RTN3: variants seen among roughly 807,000 people sequenced by gnomAD.
RTN3 encodes reticulon 3, also known as reticulon-3.
In RTN3, 49 loss-of-function variants were observed where a neutral mutation model predicts 77.8. The observed-to-expected ratio is 0.63, with a 90% confidence interval of 0.50 to 0.80. The LOEUF (loss-of-function observed/expected upper bound fraction) is 0.80, where lower values mean the gene tolerates loss of function less well. RTN3 is among the 30% of genes least tolerant of loss of function. The pLI is 0.00. For missense variants in RTN3, 1,236 were observed against 1,211.9 expected (o/e 1.02, Z -0.29); for synonymous variants, 464 against 446.9 (o/e 1.04, Z -0.48).
Position 63,709,584 on chromosome 11 carries a change from T to TTA in RTN3, c.199+4677_199+4678insTA, listed in dbSNP as rs755872621. Among the ~76,000 whole-genome samples the TTA allele has an allele frequency of 4.7e-5, 7 of 148,782 alleles. No homozygotes were observed. In the South Asian group the frequency reaches 1.5e-3, roughly 32 times the overall value. On this transcript the variant is annotated intron_variant, in intron 2 of 8. Transcript: ENST00000377819. ...AAATTTGCCAGTTACAGCCTTTTTT[T>TTA]AAAAAAAAAAAAAGAAAAACATTTT...
At chr11:63,688,717 G>T (rs532122181) in intron 1 of RTN3, among the ~76,000 whole-genome samples, 15 of 152,170 alleles carry the variant, frequency 9.9e-5, no homozygotes, top group African/African-American at 3.1e-4. Context: ...TTAAAGATGG[G>T]CTGAAAATAA....
intron 3 of RTN3, among the ~76,000 whole-genome samples, chr11:63,740,883 A>G (rs975256721): frequency 1.8e-4 from 27 of 152,186 alleles, no homozygotes; most frequent in African/African-American, 5.6e-4. Context: ...TATCTAATCA[A>G]TAGTATTCTG....
intron 3 of RTN3, among the ~76,000 whole-genome samples, chr11:63,726,658 C>T (rs1435939732): frequency 6.6e-6 from 1 of 152,098 alleles, no homozygotes; most frequent in Non-Finnish European, 1.5e-5. Flanking sequence ...ATCAGGAGTT[C>T]AAGACCAGCC....
chr11:63,751,262 T>C (rs1365770790), intron 4 of RTN3, among the ~76,000 whole-genome samples: 1 of 152,196 alleles, frequency 6.6e-6, no homozygotes, highest in East Asian at 1.9e-4. Context: ...ATCCCCCACA[T>C]AGGTAAGACT....
chr11:63,698,132 C>CTT (rs34408885), intron 1 of RTN3, among the ~76,000 whole-genome samples: 3 of 145,452 alleles, frequency 2.1e-5, no homozygotes, highest in Non-Finnish European at 3.0e-5. Context: ...TTTTCATAGT[C>CTT]TTTTTTTTTT....
chr11:63,750,954 G>A (rs1345088179), intron 4 of RTN3, among the ~76,000 whole-genome samples: 6 of 151,222 alleles, frequency 4.0e-5, no homozygotes, highest in Admixed American at 1.3e-4. Context: ...GGATGGTCTC[G>A]AACTCCTGAC....
At chr11:63,729,453 T>G (rs2012526663) in intron 3 of RTN3, among the ~76,000 whole-genome samples, 1 of 128,864 alleles carries the variant, frequency 7.8e-6, no homozygotes. Flanking sequence ...TTTTTTTTTT[T>G]TTTTTTGTTT....
chr11:63,717,889 C>T (rs1225485905), intron 2 of RTN3, among the ~76,000 whole-genome samples: 1 of 151,762 alleles, frequency 6.6e-6, no homozygotes, highest in African/African-American at 2.4e-5. Context: ...ATGGTGCCTG[C>T]CTGTAATCCC....
chr11:63,736,930 A>G (rs986952328), intron 3 of RTN3, among the ~76,000 whole-genome samples: 1 of 151,602 alleles, frequency 6.6e-6, no homozygotes. Context: ...TATACAAGGC[A>G]TGTACAACAA....
intron 4 of RTN3, 119 bp downstream of exon 4, chr11:63,750,317 T>C (rs2014033423): frequency 2.4e-6 from 2 of 822,764 alleles, no homozygotes; most frequent in Non-Finnish European, 1.9e-6. Context: ...ATGCAGCTGA[T>C]TGGTGGCATG....
chr11:63,723,657 CTT>C (rs1004399792), intron 3 of RTN3, among the ~76,000 whole-genome samples: 1 of 152,028 alleles, frequency 6.6e-6, no homozygotes, highest in African/African-American at 2.4e-5. Flanking sequence ...AAACTCCTGG[CTT>C]CAAGTGATCC....
intron 2 of RTN3, among the ~76,000 whole-genome samples, chr11:63,715,795 T>C (rs185692736): frequency 6.0e-4 from 91 of 152,342 alleles, no homozygotes; most frequent in African/African-American, 1.8e-3. Flanking sequence ...GTTCACTGAA[T>C]GTTTTGTGGT....
At chr11:63,684,009 T>G (rs1314348417) in intron 1 of RTN3, among the ~76,000 whole-genome samples, 4 of 141,574 alleles carry the variant, frequency 2.8e-5, no homozygotes, top group Admixed American at 7.3e-5. Flanking sequence ...TGGAGTGCAG[T>G]GGAGCCATCT....
intron 3 of RTN3, among the ~76,000 whole-genome samples, chr11:63,745,296 G>A (rs2013729097): frequency 6.6e-6 from 1 of 152,180 alleles, no homozygotes; most frequent in Admixed American, 6.5e-5. Context: ...GGAAACAAAT[G>A]GTTTTGCTGT....
chr11:63,720,251 A>C lies in RTN3; in HGVS notation c.1749A>C (p.Ser583=). The C allele has an allele frequency of 2.5e-6, 4 of 1,614,064 alleles. No homozygotes were observed. The highest frequency in any genetic ancestry group is 1.7e-6 in the Non-Finnish European group (2 of 1,179,994). ...GTCCAGCTAGTGAGGCAGCATGTTC[A>C]AAAGTACCCGATACGAATGTCTCCT... The part of the protein sequence containing the change: ...GRSPASEAAC[S]KVPDTNVSLE... The change falls in exon 3 of 9, where the codon TCA becomes TCC. Residue 583 remains serine (S), a synonymous_variant. Coordinates refer to ENST00000377819, the MANE Select transcript of RTN3 (RefSeq NM_001265589.2).
intron 1 of RTN3, among the ~76,000 whole-genome samples, chr11:63,693,382 G>A (rs1051038171): frequency 6.6e-6 from 1 of 151,998 alleles, no homozygotes; most frequent in Non-Finnish European, 1.5e-5. Flanking sequence ...ACTTGGGAAG[G>A]CTGAGGCAGG....
Position 63,720,286 on chromosome 11 carries a change from TGA to T in RTN3, c.1786_1787del (p.Ser596Ter). 6.2e-7 allele frequency: 1 copy of T among 1,613,306 alleles called. No homozygotes were observed. Among genetic ancestry groups the T allele is most frequent in the Non-Finnish European group, 8.5e-7 (1 of 1,179,614 alleles). On this transcript the variant is annotated frameshift_variant, in exon 3 of 9. Coordinates refer to ENST00000377819, the MANE Select transcript of RTN3 (RefSeq NM_001265589.2). LOFTEE classifies it high-confidence loss of function. ...GATACGAATGTCTCCTTAGAAGATG[TGA>T]GTGAAGTTGCTCCTGAAAAGCCTAT...
chr11:63,711,494 A>G (rs1473316023), intron 2 of RTN3, among the ~76,000 whole-genome samples: 2 of 151,640 alleles, frequency 1.3e-5, no homozygotes, highest in Non-Finnish European at 2.9e-5. Flanking sequence ...GGCTCAAGCA[A>G]TCCTCCCACC....
intron 2 of RTN3, among the ~76,000 whole-genome samples, chr11:63,716,127 G>T (rs1425398395): frequency 6.6e-6 from 1 of 152,158 alleles, no homozygotes; most frequent in Non-Finnish European, 1.5e-5. Context: ...CTAATAACCA[G>T]ATTACAGTTA....
Sources: allele counts gnomAD v4.1 joint callset (sites outside exome capture counted in the v4.1 genomes callset), GRCh38; gene constraint gnomAD v4.1.1; transcripts MANE v1.5; gene names NCBI Gene and HGNC (gene_info 2026-07-23, HGNC 2026-07-21).